MYRIP: variants seen among roughly 807,000 people sequenced by gnomAD.
MYRIP encodes myosin VIIA and Rab interacting protein.
A neutral mutation model predicts 98.0 loss-of-function variants in MYRIP; 49 were observed. The ratio of observed to expected loss-of-function variants is 0.50; its 90% CI spans 0.40 to 0.63. The LOEUF (loss-of-function observed/expected upper bound fraction) is 0.63. MYRIP is among the 30% of genes least tolerant of loss of function. The pLI is 0.00. For missense variants in MYRIP, 1,004 were observed against 1,058.2 expected (o/e 0.95, Z 0.71); for synonymous variants, 404 against 409.5 (o/e 0.99, Z 0.16).
chr3:40,172,335 G>A (rs1950636207), intron 8 of MYRIP, among the ~76,000 whole-genome samples: 1 of 152,160 alleles, frequency 6.6e-6, no homozygotes, highest in East Asian at 1.9e-4. Context: ...ATTTTTAGGA[G>A]ATGACCTGAA....
chr3:39,830,911 C>T (rs909825389), intron 1 of MYRIP, among the ~76,000 whole-genome samples: 3 of 152,198 alleles, frequency 2.0e-5, no homozygotes, highest in South Asian at 2.1e-4. Context: ...AAACCCATCC[C>T]TGCAGATTGC....
At chr3:39,877,536 CTGTT>C (rs1943033730) in intron 1 of MYRIP, among the ~76,000 whole-genome samples, 1 of 152,128 alleles carries the variant, frequency 6.6e-6, no homozygotes, top group African/African-American at 2.4e-5. Context: ...GATGTCCTTT[CTGTT>C]TGTTAGTTTT....
intron 3 of MYRIP, among the ~76,000 whole-genome samples, chr3:40,133,220 T>A (rs1170635799): frequency 6.6e-6 from 1 of 152,206 alleles, no homozygotes; most frequent in Admixed American, 6.5e-5. Flanking sequence ...AAAATAAGAA[T>A]TCATCCACTC....
intron 8 of MYRIP, among the ~76,000 whole-genome samples, chr3:40,179,178 T>C (rs371882401): frequency 2.0e-5 from 3 of 152,202 alleles, no homozygotes; most frequent in African/African-American, 7.2e-5. Context: ...TGTAATGAAT[T>C]TGTGGCAGAA....
rs1953672886 is a variant in MYRIP, at chr3:40,258,495, T to A, written c.*329T>A. 1 of 292,678 alleles carries A rather than the reference T, an allele frequency of 3.4e-6. No homozygotes were observed. The highest frequency in any genetic ancestry group is 6.4e-6 in the Non-Finnish European group (1 of 155,100). 18.1% of individuals were successfully genotyped at this position (292,678 alleles called of 1,614,324 possible). A position where few individuals can be genotyped will look rare whatever the true frequency, so the allele number is the denominator to read the frequency against. On this transcript the variant is annotated 3_prime_UTR_variant, in exon 17 of 17. Transcript: ENST00000302541. Reference sequence around the variant, plus strand: ...TACTGTATGTTGACTTTAAGATCTTTTTTTAAATACATTTGATTCAGCTAG... The same window carrying A: ...TACTGTATGTTGACTTTAAGATCTTATTTTAAATACATTTGATTCAGCTAG...
chr3:40,250,385 A>G, intron 14 of MYRIP, 54 bp from the exon 15 acceptor site: 2 of 1,613,118 alleles, frequency 1.2e-6, no homozygotes, highest in South Asian at 2.2e-5. Flanking sequence ...AATTTAGAAG[A>G]CAAAATATCT....
chr3:40,007,675 T>A (rs1946664218), intron 2 of MYRIP, among the ~76,000 whole-genome samples: 2 of 152,200 alleles, frequency 1.3e-5, no homozygotes, highest in Admixed American at 1.3e-4. Context: ...GATGTGTGTA[T>A]GTGTGTGCAA....
chr3:40,227,412 A>ATG (rs952437486), intron 11 of MYRIP, among the ~76,000 whole-genome samples: 7 of 151,052 alleles, frequency 4.6e-5, no homozygotes, highest in South Asian at 2.1e-4. Flanking sequence ...CTCTCCCTCT[A>ATG]TGTGTGTGTG....
intron 10 of MYRIP, chr3:40,209,367 A>G (rs1714404): frequency 0.46 from 69,843 of 153,040 alleles, 16,897 homozygotes; most frequent in Non-Finnish European, 0.55. Flanking sequence ...AAATGTTTGA[A>G]GTGATGGATA....
At chr3:40,074,481 A>C (rs993083905) in intron 3 of MYRIP, among the ~76,000 whole-genome samples, 2 of 152,206 alleles carry the variant, frequency 1.3e-5, no homozygotes, top group Non-Finnish European at 2.9e-5. Flanking sequence ...GCACACCTAA[A>C]TCTGTCCTCT....
intron 1 of MYRIP, among the ~76,000 whole-genome samples, chr3:39,883,671 G>T (rs143618791): frequency 6.6e-6 from 1 of 151,504 alleles, no homozygotes; most frequent in East Asian, 1.9e-4. Context: ...ATTTAGAGTT[G>T]AAAAATGCAA....
chr3:40,250,623 G>T, intron 15 of MYRIP, 124 bp downstream of exon 15: 1 of 1,161,438 alleles, frequency 8.6e-7, no homozygotes, highest in Non-Finnish European at 1.2e-6. Context: ...AATTGCTCTT[G>T]TCTATCTTGA....
At chr3:40,089,364 T>TG in intron 3 of MYRIP, among the ~76,000 whole-genome samples, 1 of 152,224 alleles carries the variant, frequency 6.6e-6, no homozygotes, top group Non-Finnish European at 1.5e-5. Flanking sequence ...ATGAGGTGTG[T>TG]GGAGCCATTA....
intron 1 of MYRIP, among the ~76,000 whole-genome samples, chr3:39,851,418 C>G (rs546562480): frequency 6.6e-6 from 1 of 152,302 alleles, no homozygotes; most frequent in Admixed American, 6.5e-5. Flanking sequence ...AGTCACAACT[C>G]CTGCTCCCTT....
intron 12 of MYRIP, among the ~76,000 whole-genome samples, chr3:40,243,417 A>AC (rs1217217213): frequency 2.0e-5 from 3 of 151,542 alleles, no homozygotes; most frequent in African/African-American, 7.3e-5. Context: ...AAAAAAAAAA[A>AC]AGTGCATGAC....
At chr3:39,856,224 G>A (rs887394958) in intron 1 of MYRIP, among the ~76,000 whole-genome samples, 2 of 152,202 alleles carry the variant, frequency 1.3e-5, no homozygotes, top group African/African-American at 4.8e-5. Context: ...CAAATGATTT[G>A]TGAATTCTTT....
chr3:39,973,404 A>G (rs1260472197), intron 2 of MYRIP, among the ~76,000 whole-genome samples: 3 of 152,186 alleles, frequency 2.0e-5, no homozygotes, highest in African/African-American at 7.2e-5. Flanking sequence ...TCATAAAGCA[A>G]GTCCTTAGAG....
At chr3:39,973,233 A>G (rs1945644999) in intron 2 of MYRIP, among the ~76,000 whole-genome samples, 1 of 152,176 alleles carries the variant, frequency 6.6e-6, no homozygotes, top group African/African-American at 2.4e-5. Flanking sequence ...GAAAACAAAA[A>G]AAGACAGGGG....
intron 3 of MYRIP, among the ~76,000 whole-genome samples, chr3:40,090,350 T>C (rs1948718100): frequency 6.6e-6 from 1 of 152,090 alleles, no homozygotes; most frequent in African/African-American, 2.4e-5. Flanking sequence ...CCCTTGGAAT[T>C]GGAGAGCATT....
Sources: gnomAD v4.1 joint callset for allele counts (sites outside exome capture counted in the v4.1 genomes callset) on GRCh38, gnomAD v4.1.1 for gene constraint, MANE v1.5 for transcripts, NCBI Gene and HGNC (gene_info 2026-07-23, HGNC 2026-07-21) for gene names.